PHTF2: variants seen among roughly 807,000 people sequenced by gnomAD.
PHTF2 encodes the protein putative homeodomain transcription factor 2, also known as protein PHTF2.
In PHTF2, 60 loss-of-function variants were observed where a neutral mutation model predicts 101.2. The ratio of observed to expected loss-of-function variants is 0.59; its 90% confidence interval spans 0.48 to 0.73. PHTF2 has a LOEUF of 0.73. Ranked by LOEUF, PHTF2 falls within the 30% of genes least tolerant of loss-of-function variation. PHTF2 has a pLI of 0.00. For synonymous variants in PHTF2, 311 were observed against 307.3 expected (o/e 1.01, Z -0.13); for missense variants, 747 against 908.7 (o/e 0.82, Z 2.29).
intron 3 of PHTF2, among the ~76,000 whole-genome samples, chr7:77,858,713 A>T (rs997702600): frequency 2.6e-5 from 4 of 151,548 alleles, no homozygotes; most frequent in African/African-American, 9.7e-5. Context: ...TTTAACAATG[A>T]CAGGAATGAT....
intron 1 of PHTF2, among the ~76,000 whole-genome samples, chr7:77,830,025 G>A (rs959407076): frequency 5.3e-5 from 8 of 152,238 alleles, no homozygotes; most frequent in African/African-American, 1.7e-4. Flanking sequence ...ATCTGTGGTG[G>A]TACTTTGGCA....
At chr7:77,831,268 G>T (rs1795056350) in intron 1 of PHTF2, among the ~76,000 whole-genome samples, 1 of 152,230 alleles carries the variant, frequency 6.6e-6, no homozygotes, top group South Asian at 2.1e-4. Flanking sequence ...AGCAATTATG[G>T]AAGGCCACCA....
chr7:77,936,353 C>A (rs988869853), intron 12 of PHTF2, among the ~76,000 whole-genome samples: 4 of 152,052 alleles, frequency 2.6e-5, no homozygotes, highest in Non-Finnish European at 1.5e-5. Flanking sequence ...TTTGAGGTTG[C>A]TACGAATGCC....
chr7:77,942,398 G>T (rs1391867081), intron 15 of PHTF2, among the ~76,000 whole-genome samples: 1 of 152,108 alleles, frequency 6.6e-6, no homozygotes, highest in African/African-American at 2.4e-5. Context: ...TGCTAAGCAG[G>T]TGCTTAAGAA....
At chr7:77,910,855 C>T (rs1413140310) in intron 9 of PHTF2, among the ~76,000 whole-genome samples, 1 of 152,088 alleles carries the variant, frequency 6.6e-6, no homozygotes, top group African/African-American at 2.4e-5. Context: ...ATTGGCCAGA[C>T]CTCGGCCTCC....
chr7:77,830,294 G>GT (rs796530941), intron 1 of PHTF2, among the ~76,000 whole-genome samples: 4 of 152,206 alleles, frequency 2.6e-5, no homozygotes, highest in South Asian at 2.1e-4. Context: ...TATTTGCTGT[G>GT]TTTTTTTCCT....
intron 2 of PHTF2, among the ~76,000 whole-genome samples, chr7:77,852,869 GTT>G (rs1796880349): frequency 6.6e-6 from 1 of 152,136 alleles, no homozygotes; most frequent in African/African-American, 2.4e-5. Flanking sequence ...AAGGATAAAA[GTT>G]TTTTTCCGTC....
intron 5 of PHTF2, among the ~76,000 whole-genome samples, chr7:77,894,758 G>T (rs1800741406): frequency 6.6e-6 from 1 of 152,118 alleles, no homozygotes; most frequent in African/African-American, 2.4e-5. Context: ...GGTTGGGAAA[G>T]ATTTCATAGA....
intron 3 of PHTF2, among the ~76,000 whole-genome samples, chr7:77,880,106 AT>A (rs1172354700): frequency 6.6e-6 from 1 of 152,120 alleles, no homozygotes; most frequent in Admixed American, 6.5e-5. Flanking sequence ...TTAGCATCGT[AT>A]TTTTTATTTT....
intron 3 of PHTF2, among the ~76,000 whole-genome samples, chr7:77,875,683 G>C (rs1420470361): frequency 2.4e-4 from 37 of 151,696 alleles, no homozygotes; most frequent in Admixed American, 2.4e-3. Flanking sequence ...TCAGCCTCCC[G>C]AGTAGCTGGG....
intron 1 of PHTF2, among the ~76,000 whole-genome samples, chr7:77,830,415 G>T (rs1256031880): frequency 6.6e-6 from 1 of 152,232 alleles, no homozygotes; most frequent in African/African-American, 2.4e-5. Flanking sequence ...ACTACGGGAG[G>T]TGAGCCAGTG....
exon 20 of PHTF2, chr7:77,956,081 C>T (rs1806973988): frequency 1.3e-5 from 2 of 152,390 alleles, no homozygotes; most frequent in Admixed American, 6.6e-5. Context: ...TACATTGGGC[C>T]TTGATTTTAA....
intron 2 of PHTF2, among the ~76,000 whole-genome samples, chr7:77,849,839 A>AT (rs1562872862): frequency 1.3e-5 from 2 of 152,088 alleles, no homozygotes; most frequent in Admixed American, 6.6e-5. Flanking sequence ...AATGCTACTG[A>AT]TTTTTTTATG....
intron 3 of PHTF2, among the ~76,000 whole-genome samples, chr7:77,885,379 G>A (rs1284709919): frequency 6.6e-6 from 1 of 152,092 alleles, no homozygotes; most frequent in Non-Finnish European, 1.5e-5. Flanking sequence ...TCATATTATA[G>A]GCATGAGCCA....
intron 2 of PHTF2, among the ~76,000 whole-genome samples, chr7:77,853,644 T>A (rs190986924): frequency 5.9e-5 from 9 of 152,268 alleles, no homozygotes; most frequent in Admixed American, 2.0e-4. Flanking sequence ...TTCGCCTACC[T>A]CGGCCTCCCA....
chr7:77,890,247 T>G (rs1800266953), intron 3 of PHTF2, among the ~76,000 whole-genome samples: 1 of 152,194 alleles, frequency 6.6e-6, no homozygotes, highest in Non-Finnish European at 1.5e-5. Flanking sequence ...ACTGCTTCAC[T>G]GTGGAGTTTC....
intron 3 of PHTF2, among the ~76,000 whole-genome samples, chr7:77,893,178 A>C (rs79826984): frequency 6.6e-6 from 1 of 152,124 alleles, no homozygotes; most frequent in Non-Finnish European, 1.5e-5. Context: ...GGTTTGGTGT[A>C]TAGGTTATTT....
chr7:77,821,077 C>T (rs1246381367), intron 1 of PHTF2, among the ~76,000 whole-genome samples: 1 of 151,530 alleles, frequency 6.6e-6, no homozygotes, highest in Non-Finnish European at 1.5e-5. Flanking sequence ...TTTATTTCTC[C>T]TTCATTTCTG....
chr7:77,929,408 A>T (rs1213758780), intron 12 of PHTF2, 81 bp downstream of exon 11: 4 of 693,868 alleles, frequency 5.8e-6, no homozygotes, highest in Non-Finnish European at 9.9e-6. Context: ...GAGGTGAAGA[A>T]AAAGCTTACA....
Sources: allele counts gnomAD v4.1 joint callset (sites outside exome capture counted in the v4.1 genomes callset), GRCh38; gene constraint gnomAD v4.1.1; transcripts MANE v1.5; gene names NCBI Gene and HGNC (gene_info 2026-07-23, HGNC 2026-07-21).